The following SLC2A14 variants were observed in gnomAD, a reference collection of about 807,000 sequenced individuals.
The protein encoded by SLC2A14 is solute carrier family 2 member 14, also known as solute carrier family 2, facilitated glucose transporter member 14.
Under a neutral mutation model 43.0 loss-of-function variants are expected in SLC2A14, and 13 were observed. The observed-to-expected ratio is 0.30, with a 90% confidence interval of 0.20 to 0.48. SLC2A14 has a LOEUF of 0.48. SLC2A14 is among the 20% of genes least tolerant of loss of function. The pLI, the probability that SLC2A14 is intolerant of heterozygous loss-of-function variation, is 0.99. For missense variants in SLC2A14, 428 were observed against 620.4 expected (o/e 0.69, Z 3.29); for synonymous variants, 190 against 233.8 (o/e 0.81, Z 1.71).
chr12:7,868,182 T>G (rs1945029827), intron 2 of SLC2A14, among the ~76,000 whole-genome samples: 1 of 152,186 alleles, frequency 6.6e-6, no homozygotes. Flanking sequence ...CAGCCATCAA[T>G]GCTGAGGCAA....
chr12:7,883,283 T>C lies in SLC2A14; in HGVS notation c.132+7713A>G, dbSNP rs1332673539. Among the ~76,000 whole-genome samples the C allele has an allele frequency of 2.0e-5, 3 of 147,430 alleles. No individual in the cohort carries two copies. In the East Asian group the frequency reaches 5.9e-4, roughly 29 times the overall value. Reference sequence around the variant, plus strand: ...TCTTTCTTTTTTTTTTTTTTTTTTTTTTGAGATGGAGTCTTGCTTTGTCTC... The same window carrying C: ...TCTTTCTTTTTTTTTTTTTTTTTTTCTTGAGATGGAGTCTTGCTTTGTCTC... On this transcript the variant is annotated intron_variant, in intron 1 of 9. Transcript: ENST00000539924.
intron 1 of SLC2A14, among the ~76,000 whole-genome samples, chr12:7,871,621 C>T (rs1045673037): frequency 1.3e-5 from 2 of 151,966 alleles, no homozygotes; most frequent in African/African-American, 4.8e-5. Context: ...AGGGAAAGAC[C>T]GCCTTATGAA....
intron 1 of SLC2A14, among the ~76,000 whole-genome samples, chr12:7,881,743 TCTAGTTGGAACTTGGAGAAC>T (rs1284487909): frequency 6.6e-6 from 1 of 152,058 alleles, no homozygotes; most frequent in Non-Finnish European, 1.5e-5. Flanking sequence ...GGCTCCTGAG[TCTAGTTGGAACTTGGAGAAC>T]CTTTATGTCT....
Position 7,813,353 on chromosome 12 carries a change from T to C in SLC2A14, c.*963A>G, listed in dbSNP as rs1365864126. The stretch of plus-strand genomic sequence containing the variant: ...ATTACTTCAAAAGTAATGAGACTAC[T>C]ACAAGGAGTTATTTCGTCCAGTGAG... On this transcript the variant is annotated 3_prime_UTR_variant, in exon 11 of 11. Coordinates refer to ENST00000431042, the MANE Select transcript of SLC2A14 (RefSeq NM_001286234.2). 1 of 152,186 alleles carries C rather than the reference T, an allele frequency of 6.6e-6. No homozygotes were observed. The highest frequency in any genetic ancestry group is 1.5e-5 in the Non-Finnish European group (1 of 68,028). The allele number at this position is 152,186 out of a possible 1,614,324, so 9.4% of individuals were successfully genotyped here. A position where few individuals can be genotyped will look rare whatever the true frequency, so the allele number is the denominator to read the frequency against.
intron 6 of SLC2A14, among the ~76,000 whole-genome samples, chr12:7,827,986 A>C (rs1295657530): frequency 1.3e-5 from 2 of 152,034 alleles, no homozygotes; most frequent in African/African-American, 4.8e-5. Flanking sequence ...AAAAATACAA[A>C]TTAGTCGCTG....
intron 1 of SLC2A14, among the ~76,000 whole-genome samples, chr12:7,884,993 A>G (rs747297582): frequency 1.2e-4 from 18 of 152,056 alleles, no homozygotes; most frequent in Non-Finnish European, 2.1e-4. Context: ...GATCAGGACT[A>G]TTTTTGACAA....
At chr12:7,839,491 T>C in intron 2 of SLC2A14, among the ~76,000 whole-genome samples, 1 of 152,116 alleles carries the variant, frequency 6.6e-6, no homozygotes, top group Non-Finnish European at 1.5e-5. Context: ...TAAGCAGTCA[T>C]GAACGTTCTG....
chr12:7,839,924 C>CAAAAAAAAA lies in SLC2A14; in HGVS notation c.19-7119_19-7111dup, dbSNP rs57569188. ...GCGACACAAGGAGACCCTGTCTCTACAAAAAAAAAAAAAAAAAAAAAAAAA... is the reference window on the plus strand; with the variant it reads ...GCGACACAAGGAGACCCTGTCTCTACAAAAAAAAAAAAAAAAAAAAAAAAAAAAAAAAAA... On this transcript the variant is annotated intron_variant, in intron 2 of 10. Coordinates refer to ENST00000431042, the MANE Select transcript of SLC2A14 (RefSeq NM_001286234.2). 3.5e-4 allele frequency: 59 copies of CAAAAAAAAA among 168,114 alleles called. 2 individuals are homozygous for CAAAAAAAAA. The highest frequency in any genetic ancestry group is 7.2e-4 in the South Asian group (17 of 23,710). The allele number at this position is 168,114 out of a possible 1,614,324, so 10.4% of individuals were successfully genotyped here.
At chr12:7,877,278 G>T (rs1165117299), upstream of SLC2A14, among the ~76,000 whole-genome samples, 1 of 151,902 alleles carries the variant, frequency 6.6e-6, no homozygotes, top group Non-Finnish European at 1.5e-5. Context: ...GGCTACAGGC[G>T]TGAGCCACCA....
upstream of SLC2A14, among the ~76,000 whole-genome samples, chr12:7,877,170 G>T (rs1945477735): frequency 6.6e-6 from 1 of 151,906 alleles, no homozygotes; most frequent in African/African-American, 2.4e-5. Flanking sequence ...GCTAATTTTT[G>T]TATTTTCAGT....
At chr12:7,827,030 C>CTCCTT (rs1565509100) in intron 7 of SLC2A14, among the ~76,000 whole-genome samples, 6 of 86,348 alleles carry the variant, frequency 6.9e-5, no homozygotes, top group African/African-American at 2.1e-4. Flanking sequence ...TCTCCTTTCT[C>CTCCTT]TCTCTTTCTC....
At chr12:7,855,992 T>C (rs897088591) in intron 2 of SLC2A14, among the ~76,000 whole-genome samples, 1 of 152,146 alleles carries the variant, frequency 6.6e-6, no homozygotes, top group African/African-American at 2.4e-5. Flanking sequence ...TTTTAAAAAA[T>C]CATTTTATAA....
At chr12:7,864,151 T>C (rs745453185) in intron 2 of SLC2A14, among the ~76,000 whole-genome samples, 2 of 152,164 alleles carry the variant, frequency 1.3e-5, no homozygotes, top group East Asian at 3.9e-4. Flanking sequence ...CTGCTGAATT[T>C]TGAGAGTGCT....
chr12:7,863,011 C>G (rs761888538), intron 2 of SLC2A14, among the ~76,000 whole-genome samples: 1 of 152,156 alleles, frequency 6.6e-6, no homozygotes, highest in Admixed American at 6.6e-5. Flanking sequence ...TGCCCAAGCC[C>G]GCATTGGCAA....
At chr12:7,819,259 T>C (rs1863736066) in intron 9 of SLC2A14, among the ~76,000 whole-genome samples, 2 of 152,098 alleles carry the variant, frequency 1.3e-5, no homozygotes, top group Non-Finnish European at 2.9e-5. Context: ...ATTAGATAAC[T>C]TATTTTATAA....
intron 2 of SLC2A14, among the ~76,000 whole-genome samples, chr12:7,840,111 CAA>C (rs35137540): frequency 6.6e-4 from 47 of 71,090 alleles, no homozygotes; most frequent in African/African-American, 2.4e-3. Context: ...GACCCTGTCT[CAA>C]AAAAAAAAAA....
chr12:7,888,789 C>T (rs1945727521), intron 1 of SLC2A14, among the ~76,000 whole-genome samples: 1 of 111,046 alleles, frequency 9.0e-6, no homozygotes, highest in Admixed American at 1.0e-4. Context: ...CAGAGCAAGA[C>T]TCCGTCTCAA....
chr12:7,825,459 C>CA (rs34023090), intron 7 of SLC2A14, among the ~76,000 whole-genome samples: 39,342 of 131,368 alleles, frequency 0.3, 6,890 homozygotes, highest in South Asian at 0.4. Context: ...GACTACCTCT[C>CA]AAAAAAAAAA....
At chr12:7,828,327 T>C (rs1592175613) in intron 6 of SLC2A14, among the ~76,000 whole-genome samples, 2 of 150,798 alleles carry the variant, frequency 1.3e-5, no homozygotes, top group Non-Finnish European at 2.9e-5. Flanking sequence ...ATTGCGCCAC[T>C]GCACTACAGC....
Sources: allele counts gnomAD v4.1 joint callset (sites outside exome capture counted in the v4.1 genomes callset), GRCh38; gene constraint gnomAD v4.1.1; transcripts MANE v1.5; gene names NCBI Gene and HGNC (gene_info 2026-07-23, HGNC 2026-07-21).